POLR3H: variants seen among roughly 807,000 people sequenced by gnomAD.
POLR3H encodes the protein RNA polymerase III subunit H, also known as DNA-directed RNA polymerase III subunit RPC8.
A neutral mutation model predicts 25.5 loss-of-function variants in POLR3H; 17 were observed. The ratio of observed to expected loss-of-function variants is 0.67; its 90% confidence interval spans 0.46 to 1.00. POLR3H has a LOEUF of 1.00. POLR3H is among the 50% of genes least tolerant of loss of function. The pLI is 0.00. For synonymous variants in POLR3H, 129 were observed against 103.0 expected (o/e 1.25, Z -1.53); for missense variants, 274 against 265.0 (o/e 1.03, Z -0.24).
intron 1 of POLR3H, among the ~76,000 whole-genome samples, chr22:41,543,360 G>A (rs941472159): frequency 6.6e-5 from 10 of 152,276 alleles, no homozygotes; most frequent in Middle Eastern, 3.4e-3. Context: ...CGAGGCGATG[G>A]CGCACACCTG....
At chr22:41,530,234 C>A (rs1057157038) in intron 5 of POLR3H, among the ~76,000 whole-genome samples, 8 of 152,194 alleles carry the variant, frequency 5.3e-5, no homozygotes, top group African/African-American at 1.9e-4. Flanking sequence ...CCATCTCAGC[C>A]TCCCAAGTAG....
chr22:41,530,606 G>A (rs1601945807), intron 5 of POLR3H, 81 bp downstream of exon 5: 1 of 1,328,954 alleles, frequency 7.5e-7, no homozygotes, highest in East Asian at 2.5e-5. Flanking sequence ...TCCCAGAGCA[G>A]AAGCCCCAGG....
chr22:41,529,389 C>G lies in POLR3H; in HGVS notation c.562-53G>C, dbSNP rs2066675097. The G allele has an allele frequency of 1.9e-6, 3 of 1,558,078 alleles. No homozygotes were observed. In the South Asian group the frequency reaches 3.4e-5, roughly 17 times the overall value. ...TCACTGACATGCTGGCTTGAACCAA[C>G]CTGGACAGGAGGTGAAGGGAGCCCA... is the stretch of plus-strand genomic sequence containing the variant. On this transcript the variant is annotated intron_variant, in intron 5 of 5. Transcript: ENST00000355209.
chr22:41,536,965 A>G (rs2066859401), intron 2 of POLR3H, among the ~76,000 whole-genome samples: 1 of 152,050 alleles, frequency 6.6e-6, no homozygotes, highest in Admixed American at 6.6e-5. Context: ...AATCAATATA[A>G]CATTTAAAAA....
chr22:41,544,071 C>T lies in POLR3H; in HGVS notation c.31G>A (p.Val11Ile), dbSNP rs148608238. The change falls in exon 1 of 6, where the codon GTC becomes ATC. Residue 11 changes from valine (V) to isoleucine (I), a missense_variant. Physicochemically the swap from Val to Ile is conservative, Grantham distance 29 (BLOSUM62 3). Coordinates refer to ENST00000355209, the MANE Select transcript of POLR3H (RefSeq NM_001018050.4). MFVLVEMVDT[V>I]RIPPWQFERK... is the part of the protein sequence containing the mutation. The stretch of plus-strand genomic sequence containing the variant: ...TCAAACTGCCAAGGGGGGATCCGGA[C>T]GGTGTCCACCATTTCCACCAGGACG... 706 of 1,613,548 alleles carry T rather than the reference C, an allele frequency of 4.4e-4. 7 individuals are homozygous for T. The highest frequency in any genetic ancestry group is 3.6e-3 in the South Asian group (331 of 91,060).
chr22:41,540,803 C>T lies in POLR3H; in HGVS notation c.112-8G>A, dbSNP rs1176803896. 5 of 1,605,974 alleles carry T rather than the reference C, an allele frequency of 3.1e-6. No homozygotes were observed. In the South Asian group the frequency reaches 4.4e-5, roughly 14 times the overall value. On this transcript the variant is annotated splice_polypyrimidine_tract_variant and splice_region_variant and intron_variant, in intron 1 of 5. Coordinates refer to ENST00000355209, the MANE Select transcript of POLR3H (RefSeq NM_001018050.4). ...TCCCACGTTGTACACGACCTGCATGCATACAAACACAGACACACAAGTACA... is the reference window on the plus strand; with the variant it reads ...TCCCACGTTGTACACGACCTGCATGTATACAAACACAGACACACAAGTACA...
At position 41,527,109 on chromosome 22, in the gene POLR3H, C is replaced by A. The variant is rs919525587; in HGVS notation, c.*2174G>T. On this transcript the variant is annotated 3_prime_UTR_variant, in exon 6 of 6. Transcript: ENST00000355209. Reference sequence around the variant, plus strand: ...TGTCCCCTCGGGGCCTCGTTTGGGTCTCATTCACGCAGGCTTCACTTGCCC... The same window carrying A: ...TGTCCCCTCGGGGCCTCGTTTGGGTATCATTCACGCAGGCTTCACTTGCCC... 27 of 875,830 alleles carry A rather than the reference C, an allele frequency of 3.1e-5. 2 individuals carry two copies. In the Admixed American group the frequency reaches 4.2e-4, roughly 14 times the overall value. The allele number at this position is 875,830 out of a possible 1,614,324, so 54.3% of individuals were successfully genotyped here.
At position 41,526,640 on chromosome 22, in the gene POLR3H, C is replaced by G; in HGVS notation, c.*2643G>C. On this transcript the variant is annotated 3_prime_UTR_variant, in exon 6 of 6. Transcript: ENST00000355209. ...GGCTGAGAAGGCATGAGGCCCAGGT[C>G]CGGTGGTACAGCCGGGTCCCTGCAC... 7.1e-6 allele frequency: 4 copies of G among 567,192 alleles called. No homozygotes were observed. Among genetic ancestry groups the G allele is most frequent in the Non-Finnish European group, 1.2e-5 (4 of 334,078 alleles). 35.1% of individuals were successfully genotyped at this position (567,192 alleles called of 1,614,324 possible).
chr22:41,530,846 C>T lies in POLR3H; in HGVS notation c.402G>A (p.Glu134=), dbSNP rs1463227675. The part of the protein sequence containing the change: ...EQVWVWEYET[E]EGAHDLYMDT... ...CCATGTAGAGGTCGTGTGCTCCTTC[C>T]TCCGTCTCGTACTCCCACACCCACA... The change falls in exon 5 of 6, where the codon GAG becomes GAA. Residue 134 remains glutamate (E), a synonymous_variant. Transcript: ENST00000355209. The T allele has an allele frequency of 1.2e-5, 20 of 1,613,922 alleles. No individual in the cohort carries two copies. The highest frequency in any genetic ancestry group is 1.5e-5 in the Non-Finnish European group (18 of 1,180,038).
At chr22:41,543,801 C>G in intron 1 of POLR3H, 190 bp downstream of exon 1, 1 of 703,016 alleles carries the variant, frequency 1.4e-6, no homozygotes, top group South Asian at 1.5e-5. Context: ...CTTCCAGTTA[C>G]AACTCCCTTT....
At chr22:41,544,535 C>T (rs145796807), upstream of POLR3H, 8 of 153,852 alleles carry the variant, frequency 5.2e-5, no homozygotes, top group Non-Finnish European at 1.1e-4. Flanking sequence ...TGTCCACCCC[C>T]ACCCCGCCGA....
intron 1 of POLR3H, 140 bp downstream of exon 1, chr22:41,543,851 T>C (rs769195507): frequency 1.4e-6 from 1 of 721,046 alleles, no homozygotes; most frequent in Non-Finnish European, 2.6e-6. Flanking sequence ...AATATCTCCT[T>C]TCACGGTGAA....
chr22:41,533,441 G>A, intron 2 of POLR3H: 1 of 1,067,756 alleles, frequency 9.4e-7, no homozygotes, highest in South Asian at 1.7e-5. Flanking sequence ...CCACCGTGAG[G>A]ATAAGGCAGT....
At chr22:41,544,582 T>C (rs963362457), upstream of POLR3H, 3 of 152,832 alleles carry the variant, frequency 2.0e-5, no homozygotes, top group Non-Finnish European at 2.9e-5. Context: ...GCGCACAGCG[T>C]GGGGCAGAGA....
chr22:41,526,426 C>T lies in POLR3H; in HGVS notation c.*2857G>A, dbSNP rs150391290. ...ATGCCGTCACTCAGGAGTTTGGCCC[C>T]GTCCCTGACACTGCCCGCTACTACA... On this transcript the variant is annotated 3_prime_UTR_variant, in exon 6 of 6. Transcript: ENST00000355209. 2.7e-5 allele frequency: 43 copies of T among 1,613,508 alleles called. No homozygotes were observed. Among genetic ancestry groups the T allele is most frequent in the Middle Eastern group, 1.7e-4 (1 of 5,842 alleles).
intron 4 of POLR3H, 118 bp from the exon 5 acceptor site, chr22:41,531,006 T>C: frequency 2.0e-6 from 2 of 1,000,008 alleles, no homozygotes; most frequent in Non-Finnish European, 3.0e-6. Context: ...GGCTGGGAAG[T>C]CACAGGAAAA....
chr22:41,527,356 A>G lies in POLR3H; in HGVS notation c.*1927T>C. The G allele has an allele frequency of 6.2e-7, 1 of 1,614,088 alleles. No homozygotes were observed. ...GCGAGGGCTCGAGCCGGGAGCATGC[A>G]GCTCTGGAGCCTCGCCACCTTGGGG... On this transcript the variant is annotated 3_prime_UTR_variant, in exon 6 of 6. Coordinates refer to ENST00000355209, the MANE Select transcript of POLR3H (RefSeq NM_001018050.4).
intron 4 of POLR3H, among the ~76,000 whole-genome samples, chr22:41,531,214 C>A (rs895599854): frequency 6.6e-6 from 1 of 152,242 alleles, no homozygotes; most frequent in Non-Finnish European, 1.5e-5. Context: ...CAACCTGGGC[C>A]TCCTGCCACG....
chr22:41,530,752 TG>T lies in POLR3H; in HGVS notation c.495del (p.Ser166AlafsTer78). On this transcript the variant is annotated frameshift_variant, in exon 5 of 6. Coordinates refer to ENST00000355209, the MANE Select transcript of POLR3H (RefSeq NM_001018050.4). LOFTEE classifies it high-confidence loss of function. ...CTGGAAGTGGTGGCATCTGCTGAGC[TG>T]GGCCCTGTGGGGGACGTGTCAACAA... ...ESFVDTSPTG[P>X]SSADATTSSE... is the part of the protein sequence containing the mutation. The T allele has an allele frequency of 6.2e-7, 1 of 1,614,032 alleles. No individual in the cohort carries two copies. The highest frequency in any genetic ancestry group is 1.7e-5 in the Admixed American group (1 of 60,026).
Sources: allele counts gnomAD v4.1 joint callset (sites outside exome capture counted in the v4.1 genomes callset), GRCh38; gene constraint gnomAD v4.1.1; transcripts MANE v1.5; gene names NCBI Gene and HGNC (gene_info 2026-07-23, HGNC 2026-07-21).